Variants in CEMIP observed in about 807,000 individuals in gnomAD.
CEMIP encodes the protein cell migration-inducing and hyaluronan-binding protein.
In CEMIP, 105 loss-of-function variants were observed where a neutral mutation model predicts 156.9. The ratio of observed to expected loss-of-function variants is 0.67; its 90% CI spans 0.57 to 0.79. The LOEUF is 0.79. Ranked by LOEUF, CEMIP falls within the 30% of genes least tolerant of loss-of-function variation. The pLI is 0.00. For synonymous variants in CEMIP, 676 were observed against 668.4 expected (o/e 1.01, Z -0.17); for missense variants, 1,457 against 1,769.4 (o/e 0.82, Z 3.17).
At chr15:80,806,673 T>C (rs1896521481) in intron 1 of CEMIP, among the ~76,000 whole-genome samples, 1 of 152,224 alleles carries the variant, frequency 6.6e-6, no homozygotes, top group African/African-American at 2.4e-5. Flanking sequence ...AAAAGCTCTT[T>C]GAAATTGCTT....
intron 26 of CEMIP, 54 bp downstream of exon 26, chr15:80,942,107 G>A: frequency 6.4e-7 from 1 of 1,569,554 alleles, no homozygotes; most frequent in Non-Finnish European, 8.8e-7. Flanking sequence ...CGGGCCTAGA[G>A]CCCTTTGCCG....
intron 26 of CEMIP, 94 bp downstream of exon 26, chr15:80,942,147 C>T: frequency 6.7e-7 from 1 of 1,482,966 alleles, no homozygotes; most frequent in South Asian, 1.1e-5. Context: ...AATTAGGTCC[C>T]TCACTCAGCT....
intron 1 of CEMIP, among the ~76,000 whole-genome samples, chr15:80,859,036 A>G (rs1241001586): frequency 1.3e-5 from 2 of 152,224 alleles, no homozygotes. Flanking sequence ...CTTGCCAACC[A>G]CAGTGGGATG....
Position 80,873,888 on chromosome 15 carries a change from TGCTGGGAG to T in CEMIP, c.12_19del (p.Arg6LeufsTer30), listed in dbSNP as rs1303820171. On this transcript the variant is annotated frameshift_variant, in exon 3 of 30. Coordinates refer to ENST00000394685, the MANE Select transcript of CEMIP (RefSeq NM_001293298.2). LOFTEE classifies it high-confidence loss of function. ...GGGAGCACACTGCCAGGATGGGAGC[TGCTGGGAG>T]GCAGGACTTCCTCTTCAAGGCCATG... The T allele has an allele frequency of 1.3e-6, 2 of 1,578,326 alleles. No individual in the cohort carries two copies. The highest frequency in any genetic ancestry group is 1.7e-6 in the Non-Finnish European group (2 of 1,160,338).
intron 1 of CEMIP, among the ~76,000 whole-genome samples, chr15:80,827,387 A>G (rs1596115703): frequency 6.6e-6 from 1 of 152,254 alleles, no homozygotes; most frequent in East Asian, 1.9e-4. Context: ...AACTTCCTGA[A>G]GTGGGCGGAT....
intron 1 of CEMIP, among the ~76,000 whole-genome samples, chr15:80,850,866 G>A (rs1047363001): frequency 2.0e-5 from 3 of 152,200 alleles, no homozygotes; most frequent in Non-Finnish European, 2.9e-5. Flanking sequence ...ATTGAGAAAC[G>A]AAATTCTGAA....
intron 1 of CEMIP, among the ~76,000 whole-genome samples, chr15:80,783,923 C>T (rs1489762989): frequency 6.6e-6 from 1 of 152,208 alleles, no homozygotes; most frequent in Admixed American, 6.5e-5. Context: ...GGAGCTGCTA[C>T]TCCTCTCTGC....
intron 1 of CEMIP, among the ~76,000 whole-genome samples, chr15:80,845,600 T>A (rs568624386): frequency 2.8e-4 from 42 of 152,300 alleles, no homozygotes; most frequent in African/African-American, 9.4e-4. Context: ...CTGGTCTTCT[T>A]CTCTGGTCTC....
At chr15:80,941,581 A>G (rs1359178502) in intron 25 of CEMIP, among the ~76,000 whole-genome samples, 2 of 152,190 alleles carry the variant, frequency 1.3e-5, no homozygotes, top group Non-Finnish European at 2.9e-5. Context: ...TGAGGATTAA[A>G]TGAGATATGT....
chr15:80,907,801 C>T (rs1054307506), intron 13 of CEMIP, among the ~76,000 whole-genome samples: 7 of 152,110 alleles, frequency 4.6e-5, no homozygotes, highest in Non-Finnish European at 1.0e-4. Context: ...CTTAAGATAC[C>T]CACAATTTCT....
chr15:80,927,102 T>C (rs535521369), intron 19 of CEMIP, among the ~76,000 whole-genome samples: 6 of 152,356 alleles, frequency 3.9e-5, no homozygotes, highest in African/African-American at 1.2e-4. Context: ...GTGCTGGGAT[T>C]ACAGGCGTGA....
intron 29 of CEMIP, chr15:80,948,547 T>C (rs764162268): frequency 3.7e-6 from 2 of 547,530 alleles, no homozygotes; most frequent in Non-Finnish European, 6.6e-6. Context: ...ATGGCTCCCC[T>C]GTCTACAACA....
At chr15:80,827,337 TAGTTTTC>T (rs1217818580) in intron 1 of CEMIP, among the ~76,000 whole-genome samples, 1 of 152,212 alleles carries the variant, frequency 6.6e-6, no homozygotes, top group Non-Finnish European at 1.5e-5. Context: ...TATAGCCTGA[TAGTTTTC>T]AGTCCAAAGT....
intron 20 of CEMIP, 25 bp from the exon 21 acceptor site, chr15:80,928,994 C>T (rs563771740): frequency 2.8e-5 from 46 of 1,614,106 alleles, no homozygotes; most frequent in Non-Finnish European, 3.7e-5. Context: ...CTGGGCATCT[C>T]ACCTTAAACA....
chr15:80,901,154 C>T (rs1044687025), intron 12 of CEMIP, among the ~76,000 whole-genome samples: 2 of 152,188 alleles, frequency 1.3e-5, no homozygotes, highest in Admixed American at 6.5e-5. Context: ...ACACCCCCCA[C>T]ATCTTTAAAG....
At chr15:80,796,159 C>T (rs140559718) in intron 1 of CEMIP, among the ~76,000 whole-genome samples, 24 of 152,166 alleles carry the variant, frequency 1.6e-4, no homozygotes, top group East Asian at 1.9e-4. Flanking sequence ...TTTTGAGATG[C>T]GGGGGCGTCT....
At chr15:80,927,030 C>T (rs566105856) in intron 19 of CEMIP, among the ~76,000 whole-genome samples, 1 of 152,298 alleles carries the variant, frequency 6.6e-6, no homozygotes, top group East Asian at 1.9e-4. Flanking sequence ...GGGGTTTCAC[C>T]ACATTGGCCA....
Position 80,931,861 on chromosome 15 carries a change from A to T in CEMIP, c.2615A>T (p.Asn872Ile). ...ATCTTACTTCCTTAACTCCGTAGGA[A>T]TTTTCCAATTAGAGGAATTCAGTTA... ...HSGRTLPIGQ[N>I]FPIRGIQLYD... The change falls in exon 22 of 30, where the codon AAT (asparagine) becomes ATT (isoleucine). Residue 872 changes from asparagine to isoleucine, a missense_variant and splice_region_variant. Physicochemically the swap from Asn to Ile is moderately radical, Grantham distance 149. This residue lies in a region of CEMIP where 798 missense variants were observed against 980.1 expected (regional missense o/e 0.81). Transcript: ENST00000394685. The T allele has an allele frequency of 6.2e-7, 1 of 1,613,986 alleles. No homozygotes were observed. The highest frequency in any genetic ancestry group is 8.5e-7 in the Non-Finnish European group (1 of 1,179,864).
intron 1 of CEMIP, among the ~76,000 whole-genome samples, chr15:80,861,645 A>T (rs950417511): frequency 6.6e-6 from 1 of 152,226 alleles, no homozygotes; most frequent in Non-Finnish European, 1.5e-5. Context: ...GGAAGAGGGC[A>T]GGGGGCATCT....
Sources: allele counts gnomAD v4.1 joint callset (sites outside exome capture counted in the v4.1 genomes callset), GRCh38; gene constraint gnomAD v4.1.1; regional missense constraint gnomAD v4.1.1; transcripts MANE v1.5; gene names NCBI Gene and HGNC (gene_info 2026-07-23, HGNC 2026-07-21).